The following TFDP1 variants were observed in gnomAD, a reference collection of about 807,000 sequenced individuals.
TFDP1 encodes DRTF1-polypeptide 1.
TFDP1 carries 6 observed loss-of-function variants against 48.0 expected under a neutral mutation model. The observed-to-expected ratio is 0.13, with a 90% CI of 0.07 to 0.25. The LOEUF (loss-of-function observed/expected upper bound fraction) is 0.25. Ranked by LOEUF, TFDP1 falls within the 10% of genes least tolerant of loss-of-function variation. TFDP1 has a pLI of 1.00. For missense variants in TFDP1, 335 were observed against 543.0 expected, an observed-to-expected ratio of 0.62 and a Z score of 3.81; for synonymous variants, 201 against 211.6, an observed-to-expected ratio of 0.95 and a Z score of 0.44.
intron 3 of TFDP1, among the ~76,000 whole-genome samples, chr13:113,617,696 C>T (rs1594482648): frequency 6.6e-6 from 1 of 151,838 alleles, no homozygotes; most frequent in Non-Finnish European, 1.5e-5. Context: ...AGCTGCTCAC[C>T]TGCAGAGGGG....
intron 3 of TFDP1, among the ~76,000 whole-genome samples, chr13:113,620,631 G>A (rs1223911159): frequency 6.6e-6 from 1 of 152,080 alleles, no homozygotes; most frequent in East Asian, 1.9e-4. Flanking sequence ...CCTTTCCCTG[G>A]TAAGTATTAC....
At chr13:113,625,927 C>T (rs1316458357) in intron 4 of TFDP1, among the ~76,000 whole-genome samples, 1 of 132,102 alleles carries the variant, frequency 7.6e-6, no homozygotes, top group Admixed American at 7.6e-5. Context: ...CTCACGTGTC[C>T]TCAGGTGTTT....
intron 2 of TFDP1, among the ~76,000 whole-genome samples, chr13:113,595,812 G>A (rs528840261): frequency 6.6e-6 from 1 of 152,264 alleles, no homozygotes; most frequent in Non-Finnish European, 1.5e-5. Flanking sequence ...GCCGGGTGCG[G>A]TGGCTCACGC....
intron 3 of TFDP1, among the ~76,000 whole-genome samples, chr13:113,614,249 TC>T (rs2048800158): frequency 6.6e-6 from 1 of 151,252 alleles, no homozygotes; most frequent in Non-Finnish European, 1.5e-5. Context: ...GAGTGTGAGT[TC>T]TGATTGTGCG....
At chr13:113,625,558 T>C (rs1325023288) in intron 4 of TFDP1, among the ~76,000 whole-genome samples, 7 of 125,452 alleles carry the variant, frequency 5.6e-5, no homozygotes, top group African/African-American at 9.7e-5. Flanking sequence ...TGTCCTCAGG[T>C]GTCTCTCACG....
At chr13:113,599,542 C>A (rs1166905321) in intron 2 of TFDP1, among the ~76,000 whole-genome samples, 3 of 152,244 alleles carry the variant, frequency 2.0e-5, no homozygotes, top group Non-Finnish European at 4.4e-5. Context: ...TCCTTCGAAA[C>A]CCTCAAAGGT....
intron 2 of TFDP1, among the ~76,000 whole-genome samples, chr13:113,586,554 G>A (rs1489833454): frequency 6.6e-6 from 1 of 152,146 alleles, no homozygotes; most frequent in Non-Finnish European, 1.5e-5. Flanking sequence ...GTTTCCCACC[G>A]TGCATCGTTT....
At chr13:113,600,535 C>T (rs182709055) in intron 2 of TFDP1, among the ~76,000 whole-genome samples, 43 of 145,104 alleles carry the variant, frequency 3.0e-4, no homozygotes, top group African/African-American at 9.7e-4. Flanking sequence ...AGAACCCTCA[C>T]GTGGGGATCC....
chr13:113,626,974 C>T lies in TFDP1; in HGVS notation c.186+3688C>T, dbSNP rs181570150. On this transcript the variant is annotated intron_variant, in intron 4 of 11. Transcript: ENST00000375370. ...TATCTTATTGATGTGCTTTAAACTT[C>T]GTCACTGAAAGTCAAGTTCCTGATT... is the stretch of plus-strand genomic sequence containing the variant. Among the ~76,000 whole-genome samples, 47 of 152,322 alleles carry T rather than the reference C, an allele frequency of 3.1e-4. No homozygotes were observed. In the East Asian group the frequency reaches 7.7e-3, roughly 25 times the overall value.
intron 2 of TFDP1, among the ~76,000 whole-genome samples, chr13:113,588,227 A>G (rs2048052820): frequency 6.6e-6 from 1 of 152,246 alleles, no homozygotes; most frequent in Non-Finnish European, 1.5e-5. Context: ...GCTGGGGGAA[A>G]GCTGTGCCAC....
At chr13:113,600,211 A>G (rs2048379590) in intron 2 of TFDP1, among the ~76,000 whole-genome samples, 2 of 151,438 alleles carry the variant, frequency 1.3e-5, no homozygotes, top group South Asian at 4.2e-4. Flanking sequence ...GGACCGTGAG[A>G]GAGAACCCTC....
chr13:113,589,371 G>A (rs1023753703), intron 2 of TFDP1, among the ~76,000 whole-genome samples: 3 of 152,170 alleles, frequency 2.0e-5, no homozygotes, highest in Admixed American at 1.3e-4. Context: ...ATCACTTACA[G>A]AAATTTATGA....
intron 2 of TFDP1, among the ~76,000 whole-genome samples, chr13:113,608,299 CAT>C (rs1164632534): frequency 6.6e-6 from 1 of 152,254 alleles, no homozygotes; most frequent in East Asian, 1.9e-4. Flanking sequence ...CGCTCATGCT[CAT>C]CCTGGTGAGG....
intron 2 of TFDP1, among the ~76,000 whole-genome samples, chr13:113,593,554 C>T (rs1340839157): frequency 9.1e-5 from 12 of 131,842 alleles, no homozygotes; most frequent in East Asian, 4.8e-4. Context: ...GTGGTGTGTG[C>T]GGGTCCTCAG....
At chr13:113,587,688 T>C (rs1437664855) in intron 2 of TFDP1, among the ~76,000 whole-genome samples, 1 of 152,064 alleles carries the variant, frequency 6.6e-6, no homozygotes, top group East Asian at 1.9e-4. Context: ...GGTTTCACCA[T>C]GTTGCCCAGG....
At chr13:113,617,179 C>T (rs1268028447) in intron 3 of TFDP1, among the ~76,000 whole-genome samples, 1 of 152,136 alleles carries the variant, frequency 6.6e-6, no homozygotes, top group African/African-American at 2.4e-5. Context: ...GCAACGGAGG[C>T]CTCTGATAAC....
At chr13:113,631,291 C>T (rs1442793105) in intron 4 of TFDP1, among the ~76,000 whole-genome samples, 1 of 152,224 alleles carries the variant, frequency 6.6e-6, no homozygotes, top group African/African-American at 2.4e-5. Context: ...TTAAACTTGA[C>T]CGTTAGCGCC....
chr13:113,625,134 GGTGTCTCTCAC>G (rs2049107560), intron 4 of TFDP1, among the ~76,000 whole-genome samples: 1 of 98,462 alleles, frequency 1.0e-5, no homozygotes, highest in African/African-American at 5.0e-5. Flanking sequence ...GTGTCTCTCA[GGTGTCTCTCAC>G]GTGTCCTCAG....
Position 113,633,477 on chromosome 13 carries a change from G to A in TFDP1, c.474+192G>A, listed in dbSNP as rs1391667852. ...CTGGGGTGGCGGAGCCCAGCGGTGT[G>A]GTACGTTTCGCTCTTTTAATATCGG... On this transcript the variant is annotated intron_variant, in intron 6 of 11. Transcript: ENST00000375370. The surrounding 1 kb of genome is among the most constrained non-coding windows in gnomAD (Gnocchi z 4.5). Among the ~76,000 whole-genome samples, 1 of 152,242 alleles carries A rather than the reference G, an allele frequency of 6.6e-6. No individual in the cohort carries two copies. The highest frequency in any genetic ancestry group is 2.4e-5 in the African/African-American group (1 of 41,524).
Sources: gnomAD v4.1 joint callset for allele counts (sites outside exome capture counted in the v4.1 genomes callset) on GRCh38, gnomAD v4.1.1 for gene constraint, Gnocchi (gnomAD v3.1) non-coding constraint, MANE v1.5 for transcripts, NCBI Gene and HGNC (gene_info 2026-07-23, HGNC 2026-07-21) for gene names.